The following LGMN variants were observed in gnomAD, a reference collection of about 807,000 sequenced individuals.
The protein encoded by LGMN is legumain.
Under a neutral mutation model 56.8 loss-of-function variants are expected in LGMN, and 36 were observed. The observed-to-expected ratio is 0.63, with a 90% CI of 0.49 to 0.84. LGMN has a LOEUF of 0.84. Ranked by LOEUF, LGMN falls within the 40% of genes least tolerant of loss-of-function variation. The pLI, the probability that LGMN is intolerant of heterozygous loss-of-function variation, is 0.00. For missense variants in LGMN, 446 were observed against 556.1 expected, an observed-to-expected ratio of 0.80 and a Z score of 1.99; for synonymous variants, 199 against 210.1, an observed-to-expected ratio of 0.95 and a Z score of 0.46.
chr14:92,712,697 G>T, intron 8 of LGMN, 108 bp downstream of exon 8: 2 of 999,894 alleles, frequency 2.0e-6, no homozygotes, highest in Non-Finnish European at 3.1e-6. Flanking sequence ...CTATGGCCCA[G>T]GCTGCCCTCA....
intron 1 of LGMN, among the ~76,000 whole-genome samples, chr14:92,736,779 C>T (rs1891327866): frequency 6.6e-6 from 1 of 152,106 alleles, no homozygotes; most frequent in South Asian, 2.1e-4. Context: ...AGGTCTCAGC[C>T]AAATTTTACC....
At chr14:92,743,489 C>T (rs1239084541) in intron 1 of LGMN, among the ~76,000 whole-genome samples, 2 of 149,734 alleles carry the variant, frequency 1.3e-5, no homozygotes, top group Admixed American at 6.7e-5. Context: ...GGCAACAAAG[C>T]GAGACTCCGT....
At chr14:92,713,436 C>T (rs1313960724) in intron 7 of LGMN, among the ~76,000 whole-genome samples, 1 of 152,042 alleles carries the variant, frequency 6.6e-6, no homozygotes, top group African/African-American at 2.4e-5. Flanking sequence ...GAGAAAGGCT[C>T]AAAGTGAGAA....
chr14:92,712,711 G>T, intron 8 of LGMN, 94 bp downstream of exon 8: 1 of 1,211,006 alleles, frequency 8.3e-7, no homozygotes, highest in Non-Finnish European at 1.2e-6. Flanking sequence ...GCCCTCAGCA[G>T]CCCCTGCTTA....
chr14:92,730,698 A>G (rs1359643752), intron 2 of LGMN, among the ~76,000 whole-genome samples: 1 of 152,208 alleles, frequency 6.6e-6, no homozygotes, highest in African/African-American at 2.4e-5. Flanking sequence ...TAATCCCAGC[A>G]CTTTGGGAGG....
intron 7 of LGMN, 61 bp downstream of exon 7, chr14:92,713,762 T>C: frequency 8.8e-7 from 1 of 1,134,510 alleles, no homozygotes; most frequent in Non-Finnish European, 1.3e-6. Flanking sequence ...CTGTGGGCTC[T>C]GCACTCACGG....
intron 11 of LGMN, among the ~76,000 whole-genome samples, chr14:92,708,913 C>T (rs1889591676): frequency 6.8e-6 from 1 of 146,928 alleles, no homozygotes; most frequent in Non-Finnish European, 1.5e-5. Context: ...CATATTTCAG[C>T]ACATCCATCA....
Position 92,716,121 on chromosome 14 carries a change from G to A in LGMN, c.404+15C>T, listed in dbSNP as rs1242119. 0.38 allele frequency: 591,093 copies of A among 1,570,122 alleles called. 119,610 individuals carry two copies. The highest frequency in any genetic ancestry group is 0.52 in the Admixed American group (30,676 of 58,728). ...AGCCATTGAGAGAAGTGTAGTATCC[G>A]TAAACAGACATTACCTCTTCAGGAC... On this transcript the variant is annotated intron_variant, in intron 5 of 13. Coordinates refer to ENST00000334869, the MANE Select transcript of LGMN (RefSeq NM_005606.7).
intron 12 of LGMN, 27 bp from the exon 13 acceptor site, chr14:92,704,734 A>G (rs778094759): frequency 1.9e-6 from 3 of 1,573,850 alleles, no homozygotes; most frequent in Non-Finnish European, 2.6e-6. Context: ...GAGAAGAATG[A>G]AACTTCCTCA....
At position 92,717,540 on chromosome 14, in the gene LGMN, C is replaced by A. The variant is rs576509014; in HGVS notation, c.237-79G>T. The stretch of plus-strand genomic sequence containing the variant: ...TCTCTTCAAACACATGTATGTTATG[C>A]GAAAAAATAGTAAACGTCTATGTTG... On this transcript the variant is annotated intron_variant, in intron 3 of 13. Coordinates refer to ENST00000334869, the MANE Select transcript of LGMN (RefSeq NM_005606.7). The A allele has an allele frequency of 3.8e-5, 40 of 1,056,926 alleles. No homozygotes were observed. The East Asian group carries it at 8.9e-4, about 23-fold the overall frequency. 65.5% of individuals were successfully genotyped at this position (1,056,926 alleles called of 1,614,324 possible).
intron 2 of LGMN, among the ~76,000 whole-genome samples, chr14:92,722,925 G>A (rs538569524): frequency 1.1e-4 from 17 of 152,298 alleles, no homozygotes; most frequent in African/African-American, 4.1e-4. Context: ...AATAACTGGG[G>A]AACCAAGAGC....
chr14:92,714,548 G>A lies in LGMN; in HGVS notation c.405-97C>T, dbSNP rs1240376393. On this transcript the variant is annotated intron_variant, in intron 5 of 13. Transcript: ENST00000334869. The surrounding 1 kb of genome is among the most constrained non-coding windows in gnomAD (Gnocchi z 5.1). ...CTAATCAAAAAATTAAGAAGTTTGG[G>A]GAGTAGAGTTGCCCAACCAGGTTTG... The A allele has an allele frequency of 6.7e-6, 6 of 900,580 alleles. No individual in the cohort carries two copies. The allele number at this position is 900,580 out of a possible 1,614,324, so 55.8% of individuals were successfully genotyped here.
At chr14:92,706,356 G>C in intron 12 of LGMN, 127 bp downstream of exon 12, 1 of 756,234 alleles carries the variant, frequency 1.3e-6, no homozygotes, top group Non-Finnish European at 2.0e-6. Context: ...CTTCCTCTCT[G>C]AAATGAGCCC....
At position 92,714,468 on chromosome 14, in the gene LGMN, G is replaced by A. The variant is rs564932098; in HGVS notation, c.405-17C>T. On this transcript the variant is annotated splice_polypyrimidine_tract_variant and intron_variant, in intron 5 of 13. Transcript: ENST00000334869. The surrounding 1 kb of genome is among the most constrained non-coding windows in gnomAD (Gnocchi z 5.1). ...TGGGGGCCACTGCCAAGAAGGAATC[G>A]GGGGTCAATCATTTCCTTTTTCTGT... 608 of 1,548,814 alleles carry A rather than the reference G, an allele frequency of 3.9e-4. 7 individuals are homozygous for A. In the South Asian group the frequency reaches 5.2e-3, roughly 13 times the overall value.
chr14:92,709,634 G>A (rs1889637274), intron 11 of LGMN, 38 bp downstream of exon 11: 3 of 1,573,536 alleles, frequency 1.9e-6, no homozygotes, highest in Non-Finnish European at 2.6e-6. Flanking sequence ...CTGGGCTGGG[G>A]ACAGCACCTG....
chr14:92,730,327 C>T (rs1457247051), intron 2 of LGMN, among the ~76,000 whole-genome samples: 1 of 152,028 alleles, frequency 6.6e-6, no homozygotes, highest in Non-Finnish European at 1.5e-5. Context: ...AAAAACGATT[C>T]GAGAAATGAG....
At chr14:92,717,051 T>A (rs1353136204) in intron 4 of LGMN, among the ~76,000 whole-genome samples, 1 of 152,166 alleles carries the variant, frequency 6.6e-6, no homozygotes. Context: ...AAAACTGATT[T>A]TTATAAAAGA....
intron 2 of LGMN, among the ~76,000 whole-genome samples, chr14:92,729,731 C>A (rs1890952185): frequency 6.6e-6 from 1 of 152,168 alleles, no homozygotes; most frequent in African/African-American, 2.4e-5. Flanking sequence ...GGAGACCGTT[C>A]TTTTGAACAC....
At position 92,748,259 on chromosome 14, in the gene LGMN, G is replaced by A. The variant is rs559574131; in HGVS notation, c.-30+230C>T. Among the ~76,000 whole-genome samples, 6 of 152,088 alleles carry A rather than the reference G, an allele frequency of 3.9e-5. No homozygotes were observed. In the South Asian group the frequency reaches 1.0e-3, roughly 26 times the overall value. On this transcript the variant is annotated intron_variant, in intron 1 of 13. Coordinates refer to ENST00000334869, the MANE Select transcript of LGMN (RefSeq NM_005606.7). ...TCCAGCCACAACACGCGTGAGAAAC[G>A]AGAAACCTCCACCCCCAGCCCCACC... is the stretch of plus-strand genomic sequence containing the variant.
Sources: gnomAD v4.1 joint callset for allele counts (sites outside exome capture counted in the v4.1 genomes callset) on GRCh38, gnomAD v4.1.1 for gene constraint, Gnocchi (gnomAD v3.1) non-coding constraint, MANE v1.5 for transcripts, NCBI Gene and HGNC (gene_info 2026-07-23, HGNC 2026-07-21) for gene names.